The following GALC variants were observed in gnomAD, a reference collection of about 807,000 sequenced individuals.
GALC encodes the protein galactocerebrosidase.
In GALC, 77 loss-of-function variants were observed where a neutral mutation model predicts 91.8. The ratio of observed to expected loss-of-function variants is 0.84; its 90% CI spans 0.70 to 1.01. GALC has a LOEUF of 1.01. GALC is among the 50% of genes least tolerant of loss of function. GALC has a pLI of 0.00. For missense variants in GALC, 882 were observed against 855.9 expected (o/e 1.03, Z -0.38); for synonymous variants, 357 against 306.7 (o/e 1.16, Z -1.71).
In GALC at chr14:87,934,256, A is replaced by G. The variant is rs1221276565; in HGVS notation, c.*476T>C. 2 of 1,339,964 alleles carry G rather than the reference A, an allele frequency of 1.5e-6. No homozygotes were observed. The highest frequency in any genetic ancestry group is 1.5e-5 in the African/African-American group (1 of 67,524). 83.0% of individuals were successfully genotyped at this position (1,339,964 alleles called of 1,614,324 possible). ...GCATAACAGGTTGAAGTGGTTTTCA[A>G]AAAGCTACTTCTAGTGTTCTTCAGC... On this transcript the variant is annotated 3_prime_UTR_variant, in exon 17 of 17. Transcript: ENST00000261304.
At chr14:87,935,017 C>T in intron 16 of GALC, 139 bp from the exon 17 acceptor site, 1 of 662,294 alleles carries the variant, frequency 1.5e-6, no homozygotes, top group South Asian at 1.8e-5. Context: ...AAACACAATT[C>T]CACAAGTTTG....
At chr14:87,967,933 ACT>A (rs1886122515) in intron 8 of GALC, among the ~76,000 whole-genome samples, 1 of 152,174 alleles carries the variant, frequency 6.6e-6, no homozygotes, top group Non-Finnish European at 1.5e-5. Context: ...AATTAAAAAC[ACT>A]CTCATGTATG....
chr14:87,986,992 T>C, intron 3 of GALC: 1 of 448,284 alleles, frequency 2.2e-6, no homozygotes, highest in Non-Finnish European at 4.4e-6. Flanking sequence ...TTTTCAACGC[T>C]GGATATGAAT....
intron 5 of GALC, 41 bp downstream of exon 5, chr14:87,984,353 A>T (rs1357857381): frequency 6.4e-7 from 1 of 1,570,098 alleles, no homozygotes; most frequent in Non-Finnish European, 8.7e-7. Flanking sequence ...AATTACAAAC[A>T]AATGTCCAAA....
intron 12 of GALC, 107 bp from the exon 13 acceptor site, chr14:87,947,985 T>G (rs1441746683): frequency 2.1e-6 from 2 of 950,260 alleles, no homozygotes; most frequent in Non-Finnish European, 3.3e-6. Flanking sequence ...AAATCATTTC[T>G]GTTAGAACTT....
intron 1 of GALC, among the ~76,000 whole-genome samples, chr14:87,990,537 T>C (rs1567016684): frequency 6.6e-6 from 1 of 152,212 alleles, no homozygotes; most frequent in Non-Finnish European, 1.5e-5. Context: ...TAGCAGAGGC[T>C]CCAATATTAA....
chr14:87,951,978 G>A (rs1357079033), intron 10 of GALC, among the ~76,000 whole-genome samples: 3 of 151,712 alleles, frequency 2.0e-5, no homozygotes, highest in Non-Finnish European at 4.4e-5. Context: ...ACTGCTCGGG[G>A]ATGGGTGAAC....
In GALC at chr14:87,993,034, A is replaced by T. The variant is rs781769154; in HGVS notation, c.131T>A (p.Val44Glu). ...GCCCAGCCCGTCGGAGTCGTCGAGCACGTACGCGCCGCCGGGCGCCAGCAG... is the reference window on the plus strand; with the variant it reads ...GCCCAGCCCGTCGGAGTCGTCGAGCTCGTACGCGCCGCCGGGCGCCAGCAG... Reference protein sequence around the residue: ...CALLAPGGAYVLDDSDGLGRE... With the variant: ...CALLAPGGAYELDDSDGLGRE... The change falls in exon 1 of 17, where the codon GTG becomes GAG. Residue 44 changes from valine (V) to glutamate (E), a missense_variant. Coordinates refer to ENST00000261304, the MANE Select transcript of GALC (RefSeq NM_000153.4). 4 of 1,554,704 alleles carry T rather than the reference A, an allele frequency of 2.6e-6. No individual in the cohort carries two copies. Among genetic ancestry groups the T allele is most frequent in the Non-Finnish European group, 3.5e-6 (4 of 1,153,794 alleles).
chr14:87,957,627 G>C (rs1326158526), intron 10 of GALC, among the ~76,000 whole-genome samples: 1 of 152,022 alleles, frequency 6.6e-6, no homozygotes, highest in East Asian at 1.9e-4. Flanking sequence ...ATGACTGCTA[G>C]ATCTGATAAA....
At chr14:87,980,472 T>C (rs779268882) in intron 6 of GALC, 251 of 979,432 alleles carry the variant, frequency 2.6e-4, no homozygotes, top group Non-Finnish European at 2.4e-4. Flanking sequence ...TAATCCATCT[T>C]TCATGACTTG....
In GALC at chr14:87,933,898, C is replaced by T; in HGVS notation, c.*834G>A. On this transcript the variant is annotated 3_prime_UTR_variant, in exon 17 of 17. Transcript: ENST00000261304. The stretch of plus-strand genomic sequence containing the variant: ...ATTCATCAGCTGTGTGAGTCTGTTA[C>T]CAGTGCACATGTGAGGACAGACCAC... 1 of 1,146,920 alleles carries T rather than the reference C, an allele frequency of 8.7e-7. No individual in the cohort carries two copies. The highest frequency in any genetic ancestry group is 1.3e-5 in the South Asian group (1 of 75,326). 71.0% of individuals were successfully genotyped at this position (1,146,920 alleles called of 1,614,324 possible). A position where few individuals can be genotyped will look rare whatever the true frequency, so the allele number is the denominator to read the frequency against.
chr14:87,963,439 C>G lies in GALC; in HGVS notation c.1106G>C (p.Ser369Thr). Reference protein sequence around the residue: ...KTVGHLEKGGSYVALTDGLGN... With the variant: ...KTVGHLEKGGTYVALTDGLGN... ...TAAGCCATCAGTCAGAGCTACGTAGCTTCCTCCTTTCTCTAAATGGCCAAC... is the reference window on the plus strand; with the variant it reads ...TAAGCCATCAGTCAGAGCTACGTAGGTTCCTCCTTTCTCTAAATGGCCAAC... Residue 369 changes from serine to threonine, a missense_variant, in exon 10 of 17, where the codon AGC becomes ACC. Transcript: ENST00000261304. 6.2e-7 allele frequency: 1 copy of G among 1,613,346 alleles called. No homozygotes were observed. Among genetic ancestry groups the G allele is most frequent in the Non-Finnish European group, 8.5e-7 (1 of 1,179,394 alleles).
chr14:87,975,331 C>A (rs1385570569), intron 7 of GALC, among the ~76,000 whole-genome samples: 2 of 151,958 alleles, frequency 1.3e-5, no homozygotes, highest in African/African-American at 4.8e-5. Context: ...TAAATATCAA[C>A]CAATCACCAT....
intron 16 of GALC, among the ~76,000 whole-genome samples, chr14:87,936,619 T>G (rs1191425795): frequency 1.3e-5 from 2 of 151,918 alleles, no homozygotes; most frequent in Admixed American, 1.3e-4. Context: ...TTTCGTTCGC[T>G]GCTGTATCCC....
chr14:87,980,620 CT>C (rs1207670586), intron 6 of GALC: 1 of 357,458 alleles, frequency 2.8e-6, no homozygotes, highest in Non-Finnish European at 3.9e-6. Context: ...AAAGACTTCC[CT>C]AATCAACCCA....
intron 7 of GALC, among the ~76,000 whole-genome samples, chr14:87,970,432 A>G (rs1886237075): frequency 6.6e-6 from 1 of 152,134 alleles, no homozygotes; most frequent in Non-Finnish European, 1.5e-5. Context: ...AAGTTATAGG[A>G]ATAGGTGATA....
At position 87,992,998 on chromosome 14, in the gene GALC, TCG is replaced by T; in HGVS notation, c.165_166del (p.Phe55LeufsTer33). ...GCCGCCGCTGACCGCGCCGATGCCG[TCG>T]AACTCCCGGCCCAGCCCGTCGGAGT... On this transcript the variant is annotated frameshift_variant, in exon 1 of 17. Transcript: ENST00000261304. LOFTEE classifies it high-confidence loss of function. 1 of 1,536,004 alleles carries T rather than the reference TCG, an allele frequency of 6.5e-7. No homozygotes were observed. The highest frequency in any genetic ancestry group is 8.7e-7 in the Non-Finnish European group (1 of 1,149,852).
At chr14:87,937,139 G>GT (rs1345546577) in intron 16 of GALC, among the ~76,000 whole-genome samples, 1 of 151,558 alleles carries the variant, frequency 6.6e-6, no homozygotes, top group East Asian at 2.0e-4. Context: ...CACATTAGCT[G>GT]TAATTTGGAA....
chr14:87,991,839 T>G (rs1158842365), intron 1 of GALC, among the ~76,000 whole-genome samples: 1 of 152,206 alleles, frequency 6.6e-6, no homozygotes, highest in Non-Finnish European at 1.5e-5. Flanking sequence ...CATTTTTCGG[T>G]AAGCTCTTAC....
Sources: allele counts gnomAD v4.1 joint callset (sites outside exome capture counted in the v4.1 genomes callset), GRCh38; gene constraint gnomAD v4.1.1; transcripts MANE v1.5; gene names NCBI Gene and HGNC (gene_info 2026-07-23, HGNC 2026-07-21).